UBE3C: variants seen among roughly 807,000 people sequenced by gnomAD.
UBE3C encodes ubiquitin protein ligase E3C.
A neutral mutation model predicts 129.4 loss-of-function variants in UBE3C; 42 were observed. The ratio of observed to expected loss-of-function variants is 0.32; its 90% CI spans 0.25 to 0.42. The LOEUF (loss-of-function observed/expected upper bound fraction) is 0.42, where lower values mean the gene tolerates loss of function less well. Among genes scored for constraint, UBE3C ranks in the 10% least tolerant of loss-of-function variants. The pLI is 1.00. For synonymous variants in UBE3C, 510 were observed against 492.4 expected (o/e 1.04, Z -0.47); for missense variants, 1,049 against 1,319.1 (o/e 0.80, Z 3.17).
In UBE3C at chr7:157,256,970, T is replaced by C. The variant is rs756114150; in HGVS notation, c.3007T>C (p.Phe1003Leu). 7 of 1,614,076 alleles carry C rather than the reference T, an allele frequency of 4.3e-6. No individual in the cohort carries two copies. The highest frequency in any genetic ancestry group is 5.9e-6 in the Non-Finnish European group (7 of 1,180,004). ...GGTCTTCTGGAGAGTTGTGGAAGGG[T>C]TCACTGATGAAGAAAAGCGCAAACT... is the stretch of plus-strand genomic sequence containing the variant. ...IKVFWRVVEGFTDEEKRKLLK... is the reference protein window; with the variant it reads ...IKVFWRVVEGLTDEEKRKLLK... The change falls in exon 22 of 23, where the codon TTC becomes CTC. Residue 1003 changes from phenylalanine (F) to leucine (L), a missense_variant. By Grantham distance (22) the Phe-to-Leu change is conservative. This residue lies in a region of UBE3C where 243 missense variants were observed against 368.7 expected (regional missense o/e 0.66). Coordinates refer to ENST00000348165, the MANE Select transcript of UBE3C (RefSeq NM_014671.3).
chr7:157,255,232 C>T (rs572552897), intron 21 of UBE3C, among the ~76,000 whole-genome samples: 25 of 152,154 alleles, frequency 1.6e-4, no homozygotes, highest in Non-Finnish European at 3.2e-4. Flanking sequence ...TAACGATGTT[C>T]AGCATCATTA....
chr7:157,155,267 T>C lies in UBE3C; in HGVS notation c.67-8543T>C, dbSNP rs140072919. ...AACATTTTCCTTTACTCAAAGGCAA[T>C]GTTCTTTGAAGTGTATAAAATGGCT... On this transcript the variant is annotated intron_variant, in intron 1 of 22. Coordinates refer to ENST00000348165, the MANE Select transcript of UBE3C (RefSeq NM_014671.3). 2.0e-4 allele frequency among the ~76,000 whole-genome samples: 31 copies of C among 152,224 alleles called. No homozygotes were observed. The East Asian group carries it at 2.3e-3, about 11-fold the overall frequency.
chr7:157,230,849 G>A (rs759878284), intron 17 of UBE3C, among the ~76,000 whole-genome samples: 4 of 151,620 alleles, frequency 2.6e-5, no homozygotes, highest in Non-Finnish European at 5.9e-5. Flanking sequence ...CTGAGAGTTT[G>A]TGGGGGCGGA....
intron 18 of UBE3C, among the ~76,000 whole-genome samples, chr7:157,234,031 CTT>C (rs1222708040): frequency 6.6e-6 from 1 of 152,034 alleles, no homozygotes; most frequent in Non-Finnish European, 1.5e-5. Context: ...ATTGGATTGT[CTT>C]TTATTATTAA....
chr7:157,178,915 C>T (rs1437176799), intron 6 of UBE3C, 68 bp downstream of exon 6: 4 of 1,563,170 alleles, frequency 2.6e-6, no homozygotes, highest in Non-Finnish European at 3.5e-6. Flanking sequence ...GGCCAGCCTG[C>T]TGCTGTGAGC....
chr7:157,228,199 T>TA (rs1283698697), intron 17 of UBE3C, among the ~76,000 whole-genome samples: 1 of 152,202 alleles, frequency 6.6e-6, no homozygotes, highest in African/African-American at 2.4e-5. Flanking sequence ...CTGTTACCCA[T>TA]AAGTTGACTG....
In UBE3C at chr7:157,145,712, A is replaced by G. The variant is rs182101188; in HGVS notation, c.66+6374A>G. Among the ~76,000 whole-genome samples, 109 of 152,122 alleles carry G rather than the reference A, an allele frequency of 7.2e-4. 1 individual carries two copies. The East Asian group carries it at 8.3e-3, about 12-fold the overall frequency. On this transcript the variant is annotated intron_variant, in intron 1 of 22. Coordinates refer to ENST00000348165, the MANE Select transcript of UBE3C (RefSeq NM_014671.3). ...GTACTATGCATTTAAGGCTCTTTTC[A>G]TGGCTTGACAGTTCATTTCTTTTTA...
At chr7:157,215,475 A>G (rs1040379239) in intron 13 of UBE3C, among the ~76,000 whole-genome samples, 2 of 148,214 alleles carry the variant, frequency 1.3e-5, no homozygotes. Flanking sequence ...ATAAATTTAT[A>G]TATTATATAT....
At chr7:157,181,999 G>A in intron 7 of UBE3C, 109 bp from the exon 8 acceptor site, 2 of 1,174,420 alleles carry the variant, frequency 1.7e-6, no homozygotes, top group Non-Finnish European at 2.3e-6. Context: ...GGCTAATTTA[G>A]AAGAGTAGAT....
intron 10 of UBE3C, 99 bp from the exon 11 acceptor site, chr7:157,201,622 A>G (rs1382257080): frequency 3.0e-6 from 2 of 666,316 alleles, no homozygotes; most frequent in Non-Finnish European, 4.2e-6. Context: ...TTGTACGTTG[A>G]TCTTCAGTGT....
intron 18 of UBE3C, among the ~76,000 whole-genome samples, chr7:157,246,493 C>T (rs560679195): frequency 6.6e-6 from 1 of 152,322 alleles, no homozygotes; most frequent in African/African-American, 2.4e-5. Context: ...AGTTGACTGT[C>T]TCATGGATGA....
At chr7:157,231,608 A>G (rs1205928801) in intron 18 of UBE3C, 3 of 387,084 alleles carry the variant, frequency 7.8e-6, no homozygotes, top group South Asian at 4.8e-5. Flanking sequence ...CTCGGCCGTC[A>G]TGAATGGATG....
intron 5 of UBE3C, among the ~76,000 whole-genome samples, chr7:157,177,418 GTC>G (rs1808548369): frequency 6.6e-6 from 1 of 152,170 alleles, no homozygotes; most frequent in African/African-American, 2.4e-5. Context: ...ATCCTATGTT[GTC>G]TCTCACACGA....
chr7:157,188,418 T>C (rs781506750), intron 10 of UBE3C, among the ~76,000 whole-genome samples: 1 of 152,268 alleles, frequency 6.6e-6, no homozygotes, highest in Non-Finnish European at 1.5e-5. Context: ...AGGAAGTAGA[T>C]GTCAGTGAAA....
At chr7:157,152,757 C>T (rs992422288) in intron 1 of UBE3C, among the ~76,000 whole-genome samples, 5 of 152,176 alleles carry the variant, frequency 3.3e-5, no homozygotes, top group Non-Finnish European at 7.3e-5. Context: ...CTTGCCGGCA[C>T]ATCTTGCTTC....
intron 2 of UBE3C, among the ~76,000 whole-genome samples, chr7:157,164,253 G>A (rs1808153540): frequency 6.6e-6 from 1 of 151,952 alleles, no homozygotes; most frequent in African/African-American, 2.4e-5. Flanking sequence ...TTGACCTCCT[G>A]GGCTCGGTGA....
intron 18 of UBE3C, among the ~76,000 whole-genome samples, chr7:157,244,762 T>G (rs182545800): frequency 7.5e-4 from 114 of 152,356 alleles, no homozygotes; most frequent in Non-Finnish European, 1.3e-3. Context: ...ATCCTTTTTA[T>G]TTCAAATCAT....
At chr7:157,171,353 C>T (rs759591090) in intron 4 of UBE3C, among the ~76,000 whole-genome samples, 7 of 151,892 alleles carry the variant, frequency 4.6e-5, no homozygotes, top group Non-Finnish European at 1.0e-4. Flanking sequence ...GCCTCCAACT[C>T]CTGGCCTCAA....
At position 157,248,832 on chromosome 7, in the gene UBE3C, G is replaced by C. The variant is rs542261297; in HGVS notation, c.2694+252G>C. On this transcript the variant is annotated intron_variant, in intron 19 of 22. Transcript: ENST00000348165. ...GCCCCTCCTGCGGAGCTCCACTCTC[G>C]AGGCTGCGGCCCAGGCTTGCTGCTT... is the stretch of plus-strand genomic sequence containing the variant. Among the ~76,000 whole-genome samples the C allele has an allele frequency of 2.0e-4, 31 of 152,200 alleles. 1 individual carries two copies. In the South Asian group the frequency reaches 5.6e-3, roughly 28 times the overall value.
Sources: allele counts gnomAD v4.1 joint callset (sites outside exome capture counted in the v4.1 genomes callset), GRCh38; gene constraint gnomAD v4.1.1; regional missense constraint gnomAD v4.1.1; transcripts MANE v1.5; gene names NCBI Gene and HGNC (gene_info 2026-07-23, HGNC 2026-07-21).